ZNF782: variants seen among roughly 807,000 people sequenced by gnomAD.
ZNF782 encodes zinc finger protein 782.
ZNF782 carries 12 observed loss-of-function variants against 13.0 expected under a neutral mutation model. That is an observed-to-expected ratio of 0.92 (90% CI 0.59 to 1.50). The LOEUF (loss-of-function observed/expected upper bound fraction) is 1.50. ZNF782 is among the 40% of genes most tolerant of loss of function. The probability of loss-of-function intolerance (pLI) is 0.00; values close to 1 mark genes in which losing one functional copy is unlikely to be tolerated. For missense variants in ZNF782, 770 were observed against 822.9 expected, an observed-to-expected ratio of 0.94 and a Z score of 0.79; for synonymous variants, 284 against 283.0, an observed-to-expected ratio of 1.00 and a Z score of -0.04.
At chr9:96,911,798 G>A in the ZNF782 span, among the ~76,000 whole-genome samples, 2 of 151,960 alleles carry the variant, frequency 1.3e-5, no homozygotes, top group Admixed American at 1.3e-4. Flanking sequence ...GGGATTACAG[G>A]TGTGACCCAC....
At chr9:96,820,445 T>TG (rs1459460112) in intron 5 of ZNF782, among the ~76,000 whole-genome samples, 2 of 152,150 alleles carry the variant, frequency 1.3e-5, no homozygotes, top group Non-Finnish European at 2.9e-5. Flanking sequence ...GTAAAATTGA[T>TG]GGGAGTTAAA....
intron 4 of ZNF782, among the ~76,000 whole-genome samples, chr9:96,837,655 C>A (rs930004810): frequency 2.0e-5 from 3 of 152,028 alleles, no homozygotes; most frequent in African/African-American, 7.2e-5. Context: ...TTAATGTATG[C>A]GTTTATAGCT....
the ZNF782 span, chr9:96,932,481 G>T: frequency 2.7e-6 from 3 of 1,120,630 alleles, no homozygotes; most frequent in East Asian, 5.0e-5. Context: ...CTGCTGGATG[G>T]ACAGGAGGTC....
At chr9:96,930,693 G>A in the ZNF782 span, among the ~76,000 whole-genome samples, 1 of 147,954 alleles carries the variant, frequency 6.8e-6, no homozygotes, top group African/African-American at 2.5e-5. Flanking sequence ...CCTGGGAACT[G>A]AGCTTCCTGA....
At chr9:96,930,326 C>A in the ZNF782 span, among the ~76,000 whole-genome samples, 4 of 152,168 alleles carry the variant, frequency 2.6e-5, no homozygotes, top group Non-Finnish European at 5.9e-5. Flanking sequence ...GAGTTCAAGA[C>A]CAGCCTGACC....
rs1409960605 is a variant in ZNF782 at position 96,816,315 on chromosome 9, C to CA, written c.*1607_*1608insT. Among the ~76,000 whole-genome samples the CA allele has an allele frequency of 1.3e-5, 2 of 152,152 alleles. No homozygotes were observed. Among genetic ancestry groups the CA allele is most frequent in the Non-Finnish European group, 2.9e-5 (2 of 68,024 alleles). The stretch of plus-strand genomic sequence containing the variant: ...TTAATATTCATGTGGCAAATTGTAG[C>CA]TGATGTCAAAGTAGTTATAAAGCAA... On this transcript the variant is annotated 3_prime_UTR_variant, in exon 6 of 6. Transcript: ENST00000481138.
At chr9:96,931,867 G>A in the ZNF782 span, 1 of 1,612,416 alleles carries the variant, frequency 6.2e-7, no homozygotes, top group African/African-American at 1.3e-5. Flanking sequence ...CCGGCCCTCT[G>A]GTGCTCTCTG....
the ZNF782 span, among the ~76,000 whole-genome samples, chr9:96,916,358 C>T: frequency 0.051 from 7,745 of 151,784 alleles, 445 homozygotes; most frequent in African/African-American, 0.17. Flanking sequence ...GGCATGATGG[C>T]GCACACCTGT....
At chr9:96,906,846 C>T in the ZNF782 span, among the ~76,000 whole-genome samples, 29 of 152,402 alleles carry the variant, frequency 1.9e-4, no homozygotes, top group South Asian at 4.6e-3. Context: ...AAGTCCCAAC[C>T]GTCTAATCAT....
Position 96,818,492 on chromosome 9 carries a change from A to G in ZNF782, c.1531T>C (p.Cys511Arg). The G allele has an allele frequency of 6.2e-7, 1 of 1,613,966 alleles. No individual in the cohort carries two copies. The highest frequency in any genetic ancestry group is 2.2e-5 in the East Asian group (1 of 44,854). Residue 511 changes from cysteine to arginine, a missense_variant, in exon 6 of 6, where the codon TGT (cysteine) becomes CGT (arginine). By Grantham distance (180) the Cys-to-Arg change is radical (BLOSUM62 -3). Transcript: ENST00000481138. Reference sequence around the variant, plus strand: ...GACTTCAGTTTGAAAGCTTTCCCACATTCATCACATTTATATGGTCTTTCC... The same window carrying G: ...GACTTCAGTTTGAAAGCTTTCCCACGTTCATCACATTTATATGGTCTTTCC... ...TGERPYKCDECGKAFKLKSGL... is the reference protein window; with the variant it reads ...TGERPYKCDERGKAFKLKSGL...
At chr9:96,890,771 T>C in the ZNF782 span, 1 of 152,196 alleles carries the variant, frequency 6.6e-6, no homozygotes, top group South Asian at 2.1e-4. Context: ...GGCAGTTCCT[T>C]AAAAAGTTAA....
At chr9:96,877,432 G>T (rs1851907308), upstream of ZNF782, among the ~76,000 whole-genome samples, 2 of 152,252 alleles carry the variant, frequency 1.3e-5, no homozygotes, top group Non-Finnish European at 2.9e-5. Context: ...GCTTAGCGGG[G>T]CGAAGCCGCC....
chr9:96,893,752 G>A, the ZNF782 span: 1 of 146,424 alleles, frequency 6.8e-6, no homozygotes, highest in African/African-American at 2.8e-5. Context: ...TGTAATCCCA[G>A]CACTTTGGGA....
intron 4 of ZNF782, among the ~76,000 whole-genome samples, chr9:96,837,569 G>A (rs1851039624): frequency 6.6e-6 from 1 of 151,892 alleles, no homozygotes; most frequent in Non-Finnish European, 1.5e-5. Context: ...CTTTTGCTAG[G>A]TTTAGGTTTA....
At chr9:96,891,937 C>CA in the ZNF782 span, 2 of 152,180 alleles carry the variant, frequency 1.3e-5, no homozygotes, top group African/African-American at 4.8e-5. Context: ...GGGTGAGTAG[C>CA]AATCTGTTAC....
In ZNF782 at chr9:96,818,525, GA is replaced by G; in HGVS notation, c.1497del (p.His500ThrfsTer18). ...CATTTATATGGTCTTTCCCCTGTGT[GA>G]GTTCTTCGGTGATTCCTTAGGCCTG... ...HMSGLRNHRR[T>X]HTGERPYKCD... On this transcript the variant is annotated frameshift_variant, in exon 6 of 6. Transcript: ENST00000481138. LOFTEE classifies it low-confidence loss of function (END_TRUNC). 1 of 1,613,764 alleles carries G rather than the reference GA, an allele frequency of 6.2e-7. No homozygotes were observed. The highest frequency in any genetic ancestry group is 1.3e-5 in the African/African-American group (1 of 74,992).
In ZNF782 at chr9:96,817,786, A is replaced by G. The variant is rs1383236132; in HGVS notation, c.*137T>C. On this transcript the variant is annotated 3_prime_UTR_variant, in exon 6 of 6. Transcript: ENST00000481138. ...TCAACAATTTATCTTCTATTCTTTG[A>G]TATTTGGTGGAGGCTGAAATTGTAG... The G allele has an allele frequency of 5.6e-6, 4 of 709,478 alleles. No individual in the cohort carries two copies. The highest frequency in any genetic ancestry group is 8.7e-6 in the Non-Finnish European group (4 of 457,184). 43.9% of individuals were successfully genotyped at this position (709,478 alleles called of 1,614,324 possible).
the ZNF782 span, among the ~76,000 whole-genome samples, chr9:96,896,338 A>AT: frequency 3.9e-5 from 6 of 152,114 alleles, no homozygotes; most frequent in Admixed American, 3.9e-4. Context: ...ATCTGAAGGG[A>AT]TCTTAATTGC....
rs112338704 is a variant in ZNF782, at chr9:96,827,185, T to C, written c.143-4A>G. 1.4e-4 allele frequency: 217 copies of C among 1,598,808 alleles called. No individual in the cohort carries two copies. In the African/African-American group the frequency reaches 2.3e-3, roughly 17 times the overall value. ...TCTGGTTTTGTAAAGCAGTAGCCTA[T>C]AAATGGGAAACAATTTAGCATTTGC... On this transcript the variant is annotated splice_polypyrimidine_tract_variant and splice_region_variant and intron_variant, in intron 4 of 5. Transcript: ENST00000481138.
Sources: gnomAD v4.1 joint callset for allele counts (sites outside exome capture counted in the v4.1 genomes callset) on GRCh38, gnomAD v4.1.1 for gene constraint, MANE v1.5 for transcripts, NCBI Gene and HGNC (gene_info 2026-07-23, HGNC 2026-07-21) for gene names.